The following TBX15 variants were observed in gnomAD, a reference collection of about 807,000 sequenced individuals.
TBX15 encodes the protein T-box transcription factor TBX15.
TBX15 carries 18 observed loss-of-function variants against 53.9 expected under a neutral mutation model. The ratio of observed to expected loss-of-function variants is 0.33; its 90% confidence interval spans 0.23 to 0.49. TBX15 has a LOEUF of 0.49. Among genes scored for constraint, TBX15 ranks in the 20% least tolerant of loss-of-function variants. The pLI, the probability that TBX15 is intolerant of heterozygous loss-of-function variation, is 0.98. For missense variants in TBX15, 692 were observed against 749.5 expected, an observed-to-expected ratio of 0.92 and a Z score of 0.90; for synonymous variants, 295 against 278.0, an observed-to-expected ratio of 1.06 and a Z score of -0.61.
At chr1:118,964,330 T>C (rs1360310926) in intron 1 of TBX15, among the ~76,000 whole-genome samples, 1 of 152,240 alleles carries the variant, frequency 6.6e-6, no homozygotes, top group Non-Finnish European at 1.5e-5. Context: ...TGAATCTTCC[T>C]AAGGCATAGC....
intron 1 of TBX15, among the ~76,000 whole-genome samples, chr1:118,973,040 G>A (rs776656968): frequency 2.0e-5 from 3 of 152,208 alleles, no homozygotes; most frequent in African/African-American, 4.8e-5. Flanking sequence ...TTCTAAGATG[G>A]AAAAGGGTAA....
intron 1 of TBX15, among the ~76,000 whole-genome samples, chr1:118,973,612 G>C (rs1305548824): frequency 2.0e-5 from 3 of 152,060 alleles, no homozygotes; most frequent in Admixed American, 6.5e-5. Context: ...TAAGAATTTG[G>C]GCAGGAAAAT....
rs1468686568 is a variant in TBX15 at position 118,914,133 on chromosome 1, C to T, written c.908G>A (p.Arg303Lys). The T allele has an allele frequency of 2.5e-6, 4 of 1,613,846 alleles. No homozygotes were observed. The highest frequency in any genetic ancestry group is 3.4e-6 in the Non-Finnish European group (4 of 1,179,840). ...TTCTTACCTGTTTCTCCCAGAATCT[C>T]TGAATCCTTTAGCAAAAGGGTTTCG... ...IDRNPFAKGF[R>K]DSGRNRTGLE... Residue 303 changes from arginine (R) to lysine (K), a missense_variant, in exon 6 of 8, where the codon AGA becomes AAA. Arg to Lys is a conservative substitution (Grantham distance 26). Transcript: ENST00000369429.
At chr1:118,937,612 G>C (rs1018428033) in intron 1 of TBX15, among the ~76,000 whole-genome samples, 1 of 152,228 alleles carries the variant, frequency 6.6e-6, no homozygotes, top group South Asian at 2.1e-4. Flanking sequence ...AAGAGATGTA[G>C]AATGCTCTGA....
At chr1:118,981,303 T>TACACACACACACACACACAC (rs35594301) in intron 1 of TBX15, among the ~76,000 whole-genome samples, 1 of 146,728 alleles carries the variant, frequency 6.8e-6, no homozygotes, top group East Asian at 2.0e-4. Context: ...TTAAACTAGC[T>TACACACACACACACACACAC]ACACACACAC....
rs112140102 is a variant in TBX15, at chr1:118,935,472, T to C, written c.206-3640A>G. ...GCAGGATTTCTTGGCTATCAGATAC[T>C]GTCAGAATAGTATTTCAACAGAAGA... is the stretch of plus-strand genomic sequence containing the variant. On this transcript the variant is annotated intron_variant, in intron 1 of 7. Transcript: ENST00000369429. Among the ~76,000 whole-genome samples the C allele has an allele frequency of 1.4e-4, 22 of 152,282 alleles. 3 individuals carry two copies. Among genetic ancestry groups the C allele is most frequent in the African/African-American group, 5.3e-4 (22 of 41,552 alleles).
chr1:118,885,619 A>T, intron 7 of TBX15, 103 bp from the exon 8 acceptor site: 7 of 1,425,444 alleles, frequency 4.9e-6, no homozygotes, highest in Non-Finnish European at 6.7e-6. Flanking sequence ...TGTCCAAGAT[A>T]GGGCTGATTT....
chr1:118,939,724 A>G (rs1321973295), intron 1 of TBX15, among the ~76,000 whole-genome samples: 1 of 151,870 alleles, frequency 6.6e-6, no homozygotes, highest in Non-Finnish European at 1.5e-5. Flanking sequence ...TTGAAATTTC[A>G]AGTATAAGGT....
intron 6 of TBX15, among the ~76,000 whole-genome samples, chr1:118,913,437 G>A (rs1021282058): frequency 3.3e-5 from 5 of 152,124 alleles, no homozygotes; most frequent in Non-Finnish European, 7.3e-5. Context: ...TATAGGAGGA[G>A]TGAGAAAGAA....
upstream of TBX15, among the ~76,000 whole-genome samples, chr1:118,988,954 T>G (rs968550937): frequency 6.6e-6 from 1 of 152,076 alleles, no homozygotes; most frequent in South Asian, 2.1e-4. Flanking sequence ...CTCTACCTGG[T>G]GGAGAAGGAG....
At position 118,916,408 on chromosome 1, in the gene TBX15, G is replaced by A. The variant is rs555726314; in HGVS notation, c.862-2229C>T. Among the ~76,000 whole-genome samples the A allele has an allele frequency of 9.2e-5, 14 of 152,164 alleles. 2 individuals are homozygous for A. Among genetic ancestry groups the A allele is most frequent in the African/African-American group, 3.4e-4 (14 of 41,502 alleles). ...GACAAAGGAAGCATTTCTTAAGAAA[G>A]GCACTATGTAACACAGGATATGAAC... On this transcript the variant is annotated intron_variant, in intron 5 of 7. Transcript: ENST00000369429.
intron 7 of TBX15, among the ~76,000 whole-genome samples, chr1:118,897,193 C>T (rs184701963): frequency 6.6e-5 from 10 of 152,282 alleles, no homozygotes; most frequent in South Asian, 4.2e-4. Flanking sequence ...TGCCCAATGG[C>T]GTCCCTCAAT....
At chr1:118,973,817 TC>T (rs775767465) in intron 1 of TBX15, among the ~76,000 whole-genome samples, 8 of 152,050 alleles carry the variant, frequency 5.3e-5, no homozygotes, top group Non-Finnish European at 7.4e-5. Flanking sequence ...CTTGGTTTAC[TC>T]TCTGCTCACC....
chr1:118,966,598 G>A (rs1246210454), intron 1 of TBX15, among the ~76,000 whole-genome samples: 1 of 152,164 alleles, frequency 6.6e-6, no homozygotes, highest in African/African-American at 2.4e-5. Context: ...AATGAGGTAC[G>A]GAAAGGAGGA....
chr1:118,894,089 G>C (rs1387189967), intron 7 of TBX15, among the ~76,000 whole-genome samples: 1 of 152,190 alleles, frequency 6.6e-6, no homozygotes, highest in Non-Finnish European at 1.5e-5. Context: ...CACTAAGAAG[G>C]CAAGTGGGTA....
chr1:118,950,704 A>G (rs1656486816), intron 1 of TBX15, among the ~76,000 whole-genome samples: 2 of 152,214 alleles, frequency 1.3e-5, no homozygotes, highest in Admixed American at 1.3e-4. Context: ...CTTGTCAAGT[A>G]TGGGCCTTTA....
At chr1:118,989,063 C>G (rs1023986185), upstream of TBX15, among the ~76,000 whole-genome samples, 1 of 152,242 alleles carries the variant, frequency 6.6e-6, no homozygotes, top group Admixed American at 6.5e-5. Flanking sequence ...GCCGCAAATA[C>G]TCTCTTTCCC....
intron 6 of TBX15, among the ~76,000 whole-genome samples, chr1:118,910,398 T>A (rs1400139588): frequency 6.8e-6 from 1 of 146,088 alleles, no homozygotes; most frequent in Non-Finnish European, 1.5e-5. Context: ...GATCTTAGAT[T>A]TACAAGATTT....
At chr1:118,889,476 T>A (rs1654063381) in intron 7 of TBX15, among the ~76,000 whole-genome samples, 1 of 152,090 alleles carries the variant, frequency 6.6e-6, no homozygotes, top group South Asian at 2.1e-4. Flanking sequence ...TACAGGAGGG[T>A]CAGAGCTGCC....
Sources: gnomAD v4.1 joint callset for allele counts (sites outside exome capture counted in the v4.1 genomes callset) on GRCh38, gnomAD v4.1.1 for gene constraint, MANE v1.5 for transcripts, NCBI Gene and HGNC (gene_info 2026-07-23, HGNC 2026-07-21) for gene names.